Variants in IFT80 observed in about 807,000 individuals in gnomAD.
IFT80 encodes intraflagellar transport protein 80 homolog.
In IFT80, 79 loss-of-function variants were observed where a neutral mutation model predicts 107.9. The observed-to-expected ratio is 0.73, with a 90% confidence interval of 0.61 to 0.88. The LOEUF (loss-of-function observed/expected upper bound fraction) is 0.88. IFT80 is among the 40% of genes least tolerant of loss of function. The probability of loss-of-function intolerance (pLI) is 0.00; values close to 1 mark genes in which losing one functional copy is unlikely to be tolerated. For missense variants in IFT80, 797 were observed against 914.2 expected (o/e 0.87, Z 1.65); for synonymous variants, 299 against 300.9 (o/e 0.99, Z 0.07).
intron 18 of IFT80, among the ~76,000 whole-genome samples, chr3:160,272,869 T>C (rs1713927926): frequency 6.6e-6 from 1 of 152,186 alleles, no homozygotes; most frequent in African/African-American, 2.4e-5. Flanking sequence ...TACAAAAAAA[T>C]CTACTACAGC....
intron 12 of IFT80, among the ~76,000 whole-genome samples, chr3:160,298,893 C>T (rs1447807946): frequency 6.6e-6 from 1 of 152,136 alleles, no homozygotes; most frequent in Non-Finnish European, 1.5e-5. Flanking sequence ...AGGTAATGCA[C>T]TATGACATTA....
At chr3:160,339,559 T>C (rs1719737114) in intron 8 of IFT80, among the ~76,000 whole-genome samples, 1 of 152,210 alleles carries the variant, frequency 6.6e-6, no homozygotes, top group African/African-American at 2.4e-5. Context: ...TTTTCTATTT[T>C]TCTCTAATTC....
At chr3:160,317,409 T>C (rs1282076403) in intron 9 of IFT80, among the ~76,000 whole-genome samples, 2 of 152,146 alleles carry the variant, frequency 1.3e-5, no homozygotes, top group Non-Finnish European at 2.9e-5. Context: ...TCATCTTATT[T>C]CACATAAAAA....
At chr3:160,260,544 C>T (rs990165240) in intron 19 of IFT80, among the ~76,000 whole-genome samples, 2 of 152,150 alleles carry the variant, frequency 1.3e-5, no homozygotes, top group Non-Finnish European at 2.9e-5. Context: ...TAATACAAAT[C>T]AGGGTGTCAG....
chr3:160,286,122 C>G (rs936025665), intron 12 of IFT80, among the ~76,000 whole-genome samples: 1 of 152,140 alleles, frequency 6.6e-6, no homozygotes, highest in Non-Finnish European at 1.5e-5. Context: ...CACAGGCTCA[C>G]AATGGGAAGT....
chr3:160,300,884 T>C lies in IFT80; in HGVS notation c.1314A>G (p.Lys438=). Residue 438 remains lysine (K), a splice_region_variant and synonymous_variant, in exon 12 of 20, where the codon AAA becomes AAG. Transcript: ENST00000326448. ...GAAAAATTATAAAAATATACTTACT[T>C]TTTTCATCAGCTTTGTCTCTTATTG... The part of the protein sequence containing the change: ...TIAIRDKADE[K]IIFLFEASTG... The C allele has an allele frequency of 6.3e-7, 1 of 1,597,432 alleles. No homozygotes were observed. Among genetic ancestry groups the C allele is most frequent in the Non-Finnish European group, 8.5e-7 (1 of 1,172,832 alleles).
chr3:160,343,937 G>A, intron 8 of IFT80: 1 of 181,272 alleles, frequency 5.5e-6, no homozygotes, highest in Non-Finnish European at 1.2e-5. Flanking sequence ...GAAAATAAAT[G>A]AACAAATTAA....
At chr3:160,349,291 A>C (rs1021833967) in intron 8 of IFT80, among the ~76,000 whole-genome samples, 6 of 152,156 alleles carry the variant, frequency 3.9e-5, no homozygotes, top group African/African-American at 1.4e-4. Context: ...CTAATAAAAA[A>C]TGCAAAAATT....
At position 160,280,682 on chromosome 3, in the gene IFT80, T is replaced by C. The variant is rs779221410; in HGVS notation, c.1649A>G (p.Tyr550Cys). The change falls in exon 15 of 20, where the codon TAT (tyrosine) becomes TGT (cysteine). Residue 550 changes from tyrosine (Y) to cysteine (C), a missense_variant. By Grantham distance (194) the Tyr-to-Cys change is radical. Transcript: ENST00000326448. ...AAAATGTTACCTTGCATCCCTTTCA[T>C]ATAATGTTTTAGGCAAAATGTCTCT... is the stretch of plus-strand genomic sequence containing the variant. ...VDRDILPKTL[Y>C]ERDASEFSKN... 1.2e-6 allele frequency: 2 copies of C among 1,612,246 alleles called. No homozygotes were observed. Among genetic ancestry groups the C allele is most frequent in the East Asian group, 4.5e-5 (2 of 44,776 alleles).
intron 1 of IFT80, among the ~76,000 whole-genome samples, chr3:160,385,087 C>A (rs973582344): frequency 6.6e-6 from 1 of 152,144 alleles, no homozygotes; most frequent in African/African-American, 2.4e-5. Context: ...ACTAGTGGCC[C>A]AATCTGGGGT....
chr3:160,264,747 G>T (rs1483358122), intron 19 of IFT80, among the ~76,000 whole-genome samples: 1 of 151,942 alleles, frequency 6.6e-6, no homozygotes, highest in East Asian at 1.9e-4. Context: ...GCGGAATCAG[G>T]ATTTTAAAAG....
intron 13 of IFT80, among the ~76,000 whole-genome samples, chr3:160,283,632 T>A (rs1296180484): frequency 6.6e-6 from 1 of 152,224 alleles, no homozygotes; most frequent in Non-Finnish European, 1.5e-5. Context: ...ATGGAAATGT[T>A]TCAGAGAAAC....
chr3:160,307,440 C>T lies in IFT80; in HGVS notation c.1076+223G>A, dbSNP rs528257671. ...CTGGGGTTACAAGCATGAGCCATTG[C>T]GCCTCGCTTGTCTATTAACTGTTGA... On this transcript the variant is annotated intron_variant, in intron 10 of 19. Transcript: ENST00000326448. Among the ~76,000 whole-genome samples the T allele has an allele frequency of 2.2e-4, 34 of 152,302 alleles. 1 individual carries two copies. In the South Asian group the frequency reaches 6.2e-3, roughly 28 times the overall value.
chr3:160,322,356 G>A (rs915009909), intron 8 of IFT80, among the ~76,000 whole-genome samples: 1 of 151,732 alleles, frequency 6.6e-6, no homozygotes, highest in East Asian at 1.9e-4. Flanking sequence ...CCCTACAAAG[G>A]ACATGAACTC....
rs1210834952 is a variant in IFT80, at chr3:160,282,589, C to T, written c.1405G>A (p.Asp469Asn). 2 of 1,588,320 alleles carry T rather than the reference C, an allele frequency of 1.3e-6. No individual in the cohort carries two copies. Among genetic ancestry groups the T allele is most frequent in the Non-Finnish European group, 1.7e-6 (2 of 1,159,834 alleles). ...HKNEILEIAL[D>N]QKGLTNDRKI... The stretch of plus-strand genomic sequence containing the variant: ...CTATCATTGGTAAGTCCTTTTTGAT[C>T]CAGAGCAATTTCCAAGATTTCATTC... The change falls in exon 14 of 20, where the codon GAT becomes AAT. Residue 469 changes from aspartate (D) to asparagine (N), a missense_variant. Physicochemically the swap from Asp to Asn is conservative, Grantham distance 23 (BLOSUM62 1). Transcript: ENST00000326448.
chr3:160,307,567 G>A, intron 10 of IFT80, 96 bp downstream of exon 10: 3 of 791,628 alleles, frequency 3.8e-6, no homozygotes, highest in Non-Finnish European at 6.8e-6. Flanking sequence ...AGAAAGTTAA[G>A]CTTAAACCAA....
At chr3:160,265,591 A>G (rs1250102489) in intron 19 of IFT80, among the ~76,000 whole-genome samples, 1 of 152,222 alleles carries the variant, frequency 6.6e-6, no homozygotes, top group Non-Finnish European at 1.5e-5. Flanking sequence ...ACCAAGTACA[A>G]TAACTCTAAA....
chr3:160,370,934 A>C (rs115876249), intron 5 of IFT80, among the ~76,000 whole-genome samples: 1 of 152,124 alleles, frequency 6.6e-6, no homozygotes, highest in Admixed American at 6.6e-5. Flanking sequence ...GGCCACCTCT[A>C]TTTAATCTCT....
Position 160,277,568 on chromosome 3 carries a change from A to C in IFT80, c.1926+13T>G. ...AAAACACATGTACATATATGTAAAC[A>C]TTAATTACTTACTTCACCAATTGCT... On this transcript the variant is annotated intron_variant, in intron 17 of 19. Coordinates refer to ENST00000326448, the MANE Select transcript of IFT80 (RefSeq NM_020800.3). The C allele has an allele frequency of 1.2e-6, 2 of 1,601,098 alleles. No homozygotes were observed. The highest frequency in any genetic ancestry group is 1.7e-6 in the Non-Finnish European group (2 of 1,168,410).
Sources: allele counts gnomAD v4.1 joint callset (sites outside exome capture counted in the v4.1 genomes callset), GRCh38; gene constraint gnomAD v4.1.1; transcripts MANE v1.5; gene names NCBI Gene and HGNC (gene_info 2026-07-23, HGNC 2026-07-21).